The following KRIT1 variants were observed in gnomAD, a reference collection of about 807,000 sequenced individuals.
The protein encoded by KRIT1 is KRIT1 ankyrin repeat containing.
A neutral mutation model predicts 95.8 loss-of-function variants in KRIT1; 45 were observed. The observed-to-expected ratio is 0.47, with a 90% CI of 0.37 to 0.60. The LOEUF is 0.60. Among genes scored for constraint, KRIT1 ranks in the 20% least tolerant of loss-of-function variants. The pLI, the probability that KRIT1 is intolerant of heterozygous loss-of-function variation, is 0.00. For synonymous variants in KRIT1, 282 were observed against 278.8 expected (o/e 1.01, Z -0.11); for missense variants, 788 against 877.5 (o/e 0.90, Z 1.29).
At chr7:92,221,827 G>T in intron 14 of KRIT1, 75 bp downstream of exon 14, 2 of 1,237,042 alleles carry the variant, frequency 1.6e-6, no homozygotes, top group Non-Finnish European at 1.2e-6. Flanking sequence ...CACAATTTCT[G>T]CCTCTAGTGC....
At position 92,235,279 on chromosome 7, in the gene KRIT1, C is replaced by T. The variant is rs944395206; in HGVS notation, c.729+124G>A. The T allele has an allele frequency of 7.4e-5, 72 of 974,924 alleles. No homozygotes were observed. The Middle Eastern group carries it at 1.6e-3, about 21-fold the overall frequency. 60.4% of individuals were successfully genotyped at this position (974,924 alleles called of 1,614,324 possible). A position where few individuals can be genotyped will look rare whatever the true frequency, so the allele number is the denominator to read the frequency against. ...CCTCCCAAAGTGCTGGGATTACAGG[C>T]GTGAGCCACTGTACCAGGCCTTCAT... On this transcript the variant is annotated intron_variant, in intron 8 of 18. Coordinates refer to ENST00000394505, the MANE Select transcript of KRIT1 (RefSeq NM_194454.3).
Position 92,242,077 on chromosome 7 carries a change from G to A in KRIT1, c.59C>T (p.Thr20Ile). Residue 20 changes from threonine (T) to isoleucine (I), a missense_variant, in exon 4 of 19, where the codon ACT becomes ATT. This residue lies in a region of KRIT1 where 289 missense variants were observed against 277.5 expected (regional missense o/e 1.04). Transcript: ENST00000394505. Reference protein sequence around the residue: ...AYVAVIRPKNTASLNSREYRA... With the variant: ...AYVAVIRPKNIASLNSREYRA... The stretch of plus-strand genomic sequence containing the variant: ...GTATTCCCGAGAATTGAGACTGGCA[G>A]TATTCTTTGGACGAATAACAGCAAC... 1.2e-6 allele frequency: 2 copies of A among 1,600,984 alleles called. No individual in the cohort carries two copies. The highest frequency in any genetic ancestry group is 1.7e-6 in the Non-Finnish European group (2 of 1,168,362).
chr7:92,237,837 CAG>C (rs1798745706), intron 5 of KRIT1, 78 bp from the exon 6 acceptor site: 3 of 778,822 alleles, frequency 3.9e-6, no homozygotes, highest in Non-Finnish European at 4.5e-6. Flanking sequence ...AATTAGAAAA[CAG>C]ATACTTTAAA....
intron 10 of KRIT1, among the ~76,000 whole-genome samples, chr7:92,230,474 G>A (rs775385836): frequency 2.0e-5 from 3 of 152,136 alleles, no homozygotes; most frequent in Non-Finnish European, 2.9e-5. Flanking sequence ...AAATGCTGCA[G>A]AGCAGGGAAA....
At chr7:92,225,572 T>A in intron 12 of KRIT1, 148 bp downstream of exon 12, 2 of 642,824 alleles carry the variant, frequency 3.1e-6, no homozygotes, top group Non-Finnish European at 2.8e-6. Flanking sequence ...GGATTACAGG[T>A]GTGAGCCACC....
intron 5 of KRIT1, 138 bp downstream of exon 5, chr7:92,240,855 A>G (rs1799462438): frequency 1.4e-6 from 1 of 735,816 alleles, no homozygotes; most frequent in Non-Finnish European, 2.3e-6. Context: ...TACCTTAAAA[A>G]ACACTTGAGT....
chr7:92,222,765 A>C (rs1366102343), intron 13 of KRIT1, 57 bp downstream of exon 13: 2 of 1,035,660 alleles, frequency 1.9e-6, no homozygotes, highest in Non-Finnish European at 3.0e-6. Flanking sequence ...TTTTCTACCA[A>C]CCCACTCCCA....
rs184963097 is a variant in KRIT1 at position 92,239,094 on chromosome 7, T to C, written c.263-1335A>G. The stretch of plus-strand genomic sequence containing the variant: ...GATACAGTATGGCTCATTAATACAT[T>C]AAACTTTTCAACTTTAATTTCTTGT... On this transcript the variant is annotated intron_variant, in intron 5 of 18. Transcript: ENST00000394505. Among the ~76,000 whole-genome samples, 325 of 152,364 alleles carry C rather than the reference T, an allele frequency of 2.1e-3. 4 individuals carry two copies. Among genetic ancestry groups the C allele is most frequent in the African/African-American group, 7.2e-3 (300 of 41,582 alleles).
intron 17 of KRIT1, among the ~76,000 whole-genome samples, chr7:92,210,949 CAGG>C (rs1313849163): frequency 6.6e-6 from 1 of 152,168 alleles, no homozygotes; most frequent in Non-Finnish European, 1.5e-5. Flanking sequence ...GAGTAATCAT[CAGG>C]GAAGTTCAAG....
intron 6 of KRIT1, among the ~76,000 whole-genome samples, chr7:92,237,234 T>C (rs1798617646): frequency 6.6e-6 from 1 of 152,152 alleles, no homozygotes; most frequent in Non-Finnish European, 1.5e-5. Context: ...GATTTCCTTC[T>C]TAAAAATATT....
At chr7:92,239,928 C>T (rs1183534628) in intron 5 of KRIT1, among the ~76,000 whole-genome samples, 1 of 151,998 alleles carries the variant, frequency 6.6e-6, no homozygotes, top group Non-Finnish European at 1.5e-5. Flanking sequence ...CCAAGCTGGT[C>T]TCGAACTCCT....
rs1194380770 is a variant in KRIT1, at chr7:92,226,036, G to GT, written c.1147-210dup. 5.9e-5 allele frequency among the ~76,000 whole-genome samples: 9 copies of GT among 152,138 alleles called. No individual in the cohort carries two copies. The East Asian group carries it at 1.4e-3, about 23-fold the overall frequency. On this transcript the variant is annotated intron_variant, in intron 11 of 18. Transcript: ENST00000394505. ...CAAAGCACTAATCAATGTGATGACTGTTTTTTTAAAAGTTCTGATACAGAC... is the reference window on the plus strand; with the variant it reads ...CAAAGCACTAATCAATGTGATGACTGTTTTTTTTAAAAGTTCTGATACAGAC...
intron 12 of KRIT1, among the ~76,000 whole-genome samples, chr7:92,224,510 A>G (rs1795818056): frequency 6.6e-6 from 1 of 152,098 alleles, no homozygotes; most frequent in Admixed American, 6.5e-5. Context: ...TTTTATAATC[A>G]TTATAACTCT....
intron 10 of KRIT1, among the ~76,000 whole-genome samples, chr7:92,232,568 T>A (rs1797530122): frequency 6.6e-6 from 1 of 151,358 alleles, no homozygotes; most frequent in Non-Finnish European, 1.5e-5. Context: ...CAGTCAAATA[T>A]AAACTTGGGA....
intron 7 of KRIT1, 58 bp downstream of exon 7, chr7:92,236,355 T>C: frequency 1.7e-6 from 2 of 1,182,026 alleles, no homozygotes; most frequent in Non-Finnish European, 2.5e-6. Context: ...TGACAACTAA[T>C]TTCTACTATA....
chr7:92,214,228 T>C (rs900285806), intron 15 of KRIT1, among the ~76,000 whole-genome samples: 3 of 152,078 alleles, frequency 2.0e-5, no homozygotes, highest in African/African-American at 7.2e-5. Context: ...AATAACCAAA[T>C]TCAGATATGC....
intron 12 of KRIT1, 27 bp downstream of exon 12, chr7:92,225,693 G>T: frequency 8.7e-7 from 1 of 1,150,782 alleles, no homozygotes; most frequent in Non-Finnish European, 1.3e-6. Flanking sequence ...TACTATGCCT[G>T]GCTCTAACTA....
chr7:92,219,937 T>C (rs1013704286), intron 14 of KRIT1, among the ~76,000 whole-genome samples: 1 of 152,238 alleles, frequency 6.6e-6, no homozygotes, highest in East Asian at 1.9e-4. Context: ...TTTGCTGGTA[T>C]ATAGACAACA....
At chr7:92,219,759 T>C (rs1353828158) in intron 14 of KRIT1, among the ~76,000 whole-genome samples, 1 of 152,234 alleles carries the variant, frequency 6.6e-6, no homozygotes, top group Non-Finnish European at 1.5e-5. Flanking sequence ...TAACTATTCC[T>C]ATCATTGAAC....
Sources: allele counts gnomAD v4.1 joint callset (sites outside exome capture counted in the v4.1 genomes callset), GRCh38; gene constraint gnomAD v4.1.1; regional missense constraint gnomAD v4.1.1; transcripts MANE v1.5; gene names NCBI Gene and HGNC (gene_info 2026-07-23, HGNC 2026-07-21).